Variants in RBMS3 observed in about 807,000 individuals in gnomAD.
RBMS3 encodes RNA-binding motif, single-stranded-interacting protein 3.
In RBMS3, 27 loss-of-function variants were observed where a neutral mutation model predicts 66.8. The observed-to-expected ratio is 0.40, with a 90% CI of 0.30 to 0.56. The LOEUF (loss-of-function observed/expected upper bound fraction) is 0.56, where lower values mean the gene tolerates loss of function less well. Ranked by LOEUF, RBMS3 falls within the 20% of genes least tolerant of loss-of-function variation. The probability of loss-of-function intolerance (pLI) is 0.40; values close to 1 mark genes in which losing one functional copy is unlikely to be tolerated. For synonymous variants in RBMS3, 188 were observed against 183.0 expected (o/e 1.03, Z -0.22); for missense variants, 513 against 549.5 (o/e 0.93, Z 0.66).
intron 4 of RBMS3, among the ~76,000 whole-genome samples, chr3:29,607,130 A>G (rs2048341607): frequency 1.3e-5 from 2 of 151,960 alleles, no homozygotes; most frequent in Non-Finnish European, 2.9e-5. Flanking sequence ...TACATTTTAA[A>G]TATTTGGTTA....
chr3:29,569,210 A>G (rs887645074), intron 3 of RBMS3, among the ~76,000 whole-genome samples: 5 of 152,100 alleles, frequency 3.3e-5, no homozygotes, highest in African/African-American at 1.2e-4. Flanking sequence ...AAAACATCCT[A>G]AACTAAACAG....
chr3:30,009,251 T>C lies in RBMS3; in HGVS notation c.*5389T>C, dbSNP rs189872360. ...TTATCTACTTTGTGGGTGTGTTTTG[T>C]TTTTTCTTTTCAGCGTGTAGGGCTT... On this transcript the variant is annotated 3_prime_UTR_variant, in exon 15 of 15. Transcript: ENST00000383767. 4 of 152,236 alleles carry C rather than the reference T, an allele frequency of 2.6e-5. No individual in the cohort carries two copies. The highest frequency in any genetic ancestry group is 9.6e-5 in the African/African-American group (4 of 41,552). 9.4% of individuals were successfully genotyped at this position (152,236 alleles called of 1,614,324 possible).
At chr3:29,696,123 G>T (rs2052262700) in intron 4 of RBMS3, among the ~76,000 whole-genome samples, 1 of 152,276 alleles carries the variant, frequency 6.6e-6, no homozygotes, top group Non-Finnish European at 1.5e-5. Flanking sequence ...AACAAAGATG[G>T]ATGGTGACAC....
chr3:29,604,599 CT>C (rs1576343151), intron 4 of RBMS3, among the ~76,000 whole-genome samples: 1 of 151,986 alleles, frequency 6.6e-6, no homozygotes, highest in African/African-American at 2.4e-5. Flanking sequence ...AAGAATCCAA[CT>C]GACTAAAATA....
chr3:29,720,250 C>T (rs1306853668), intron 4 of RBMS3, among the ~76,000 whole-genome samples: 2 of 152,126 alleles, frequency 1.3e-5, no homozygotes, highest in Non-Finnish European at 2.9e-5. Context: ...TTTAGTAAAA[C>T]TGAAATTCAT....
At chr3:29,360,435 T>C (rs2037505065) in intron 1 of RBMS3, among the ~76,000 whole-genome samples, 1 of 152,078 alleles carries the variant, frequency 6.6e-6, no homozygotes, top group Non-Finnish European at 1.5e-5. Context: ...TTTCTGTTCT[T>C]TTACATTTGC....
intron 3 of RBMS3, among the ~76,000 whole-genome samples, chr3:29,572,906 A>T (rs1338855785): frequency 6.6e-6 from 1 of 151,904 alleles, no homozygotes; most frequent in Non-Finnish European, 1.5e-5. Context: ...GGTTTTCCTT[A>T]TTGGGAGACT....
At chr3:29,767,077 C>T (rs553757261) in intron 6 of RBMS3, 2 of 152,024 alleles carry the variant, frequency 1.3e-5, no homozygotes, top group African/African-American at 2.4e-5. Context: ...TGTTGTATAG[C>T]CCCAAAGTGT....
intron 3 of RBMS3, among the ~76,000 whole-genome samples, chr3:29,517,836 GA>G (rs1463578413): frequency 2.6e-5 from 4 of 152,176 alleles, no homozygotes; most frequent in Non-Finnish European, 4.4e-5. Flanking sequence ...GTAGTTGTGG[GA>G]AAAAAATGTC....
chr3:29,670,796 C>T (rs2050965198), intron 4 of RBMS3, among the ~76,000 whole-genome samples: 1 of 152,190 alleles, frequency 6.6e-6, no homozygotes, highest in South Asian at 2.1e-4. Flanking sequence ...AGGAGGCCTG[C>T]CTGCCTTTGT....
chr3:29,306,904 C>A (rs2034051529), intron 1 of RBMS3, among the ~76,000 whole-genome samples: 1 of 151,894 alleles, frequency 6.6e-6, no homozygotes, highest in Non-Finnish European at 1.5e-5. Flanking sequence ...TTTTCCTCTT[C>A]TTCACTGAGT....
chr3:29,282,812 G>A (rs773889975), intron 1 of RBMS3, among the ~76,000 whole-genome samples: 1 of 152,134 alleles, frequency 6.6e-6, no homozygotes, highest in South Asian at 2.1e-4. Context: ...TGTGATTAGG[G>A]TTAGGTAATT....
chr3:29,951,154 C>T (rs1042673904), intron 12 of RBMS3, among the ~76,000 whole-genome samples: 3 of 151,768 alleles, frequency 2.0e-5, no homozygotes, highest in African/African-American at 7.3e-5. Context: ...GCTTCTAATT[C>T]CTTTATTAAA....
At chr3:29,407,358 T>G (rs1041536487) in intron 1 of RBMS3, among the ~76,000 whole-genome samples, 3 of 152,206 alleles carry the variant, frequency 2.0e-5, no homozygotes, top group Non-Finnish European at 4.4e-5. Flanking sequence ...GAGGTGTATG[T>G]ACACGACCTT....
At chr3:29,416,998 G>C (rs2040504064) in intron 1 of RBMS3, among the ~76,000 whole-genome samples, 1 of 152,086 alleles carries the variant, frequency 6.6e-6, no homozygotes, top group Admixed American at 6.6e-5. Context: ...CCTATCAGCT[G>C]TTAGAGGACA....
chr3:29,339,071 G>T (rs1183213579), intron 1 of RBMS3, among the ~76,000 whole-genome samples: 1 of 152,126 alleles, frequency 6.6e-6, no homozygotes, highest in Non-Finnish European at 1.5e-5. Context: ...TCTAACTCTT[G>T]TTGGCCTCTC....
intron 8 of RBMS3, among the ~76,000 whole-genome samples, chr3:29,888,947 A>G (rs2059936189): frequency 6.6e-6 from 1 of 151,580 alleles, no homozygotes; most frequent in Non-Finnish European, 1.5e-5. Flanking sequence ...TACTCCCTTT[A>G]ATATACCTCC....
chr3:29,472,882 C>T (rs912993138), intron 2 of RBMS3, among the ~76,000 whole-genome samples: 4 of 152,154 alleles, frequency 2.6e-5, no homozygotes, highest in Non-Finnish European at 5.9e-5. Context: ...CTGGCTGGGA[C>T]AGTCTGCTTT....
intron 3 of RBMS3, among the ~76,000 whole-genome samples, chr3:29,492,471 T>C (rs1169596747): frequency 1.3e-5 from 2 of 152,190 alleles, no homozygotes; most frequent in African/African-American, 4.8e-5. Flanking sequence ...TAAATGTTTA[T>C]TGGAATTGCC....
Sources: gnomAD v4.1 joint callset for allele counts (sites outside exome capture counted in the v4.1 genomes callset) on GRCh38, gnomAD v4.1.1 for gene constraint, MANE v1.5 for transcripts, NCBI Gene and HGNC (gene_info 2026-07-23, HGNC 2026-07-21) for gene names.